PIAS1: variants seen among roughly 807,000 people sequenced by gnomAD.
PIAS1 encodes E3 SUMO-protein ligase PIAS1.
A neutral mutation model predicts 71.3 loss-of-function variants in PIAS1; 6 were observed. The observed-to-expected ratio is 0.08, with a 90% CI of 0.05 to 0.17. The LOEUF is 0.17. Among genes scored for constraint, PIAS1 ranks in the 10% least tolerant of loss-of-function variants. The pLI is 1.00. For synonymous variants in PIAS1, 303 were observed against 292.9 expected (o/e 1.03, Z -0.35); for missense variants, 555 against 793.6 (o/e 0.70, Z 3.61).
rs184078114 is a variant in PIAS1, at chr15:68,142,089, A to T, written c.554+59A>T. 4 of 1,181,678 alleles carry T rather than the reference A, an allele frequency of 3.4e-6. No individual in the cohort carries two copies. The African/African-American group carries it at 6.1e-5, about 18-fold the overall frequency. 73.2% of individuals were successfully genotyped at this position (1,181,678 alleles called of 1,614,324 possible). The stretch of plus-strand genomic sequence containing the variant: ...CCTTTGAATCCAGTAGTCTATAATA[A>T]ATGATTTTAAAAAACAGTGATTGGT... On this transcript the variant is annotated intron_variant, in intron 3 of 13. Coordinates refer to ENST00000249636, the MANE Select transcript of PIAS1 (RefSeq NM_016166.3).
intron 2 of PIAS1, among the ~76,000 whole-genome samples, chr15:68,088,794 A>G (rs1169612620): frequency 6.6e-6 from 1 of 152,122 alleles, no homozygotes; most frequent in Non-Finnish European, 1.5e-5. Context: ...CATTATTAAG[A>G]CTTTTTCTGT....
At chr15:68,116,759 C>T (rs1023148598) in intron 2 of PIAS1, among the ~76,000 whole-genome samples, 2 of 152,006 alleles carry the variant, frequency 1.3e-5, no homozygotes, top group Admixed American at 6.6e-5. Context: ...TATCCCACAA[C>T]TTGTGATATT....
At chr15:68,129,593 C>G (rs1193248316) in intron 2 of PIAS1, among the ~76,000 whole-genome samples, 1 of 151,160 alleles carries the variant, frequency 6.6e-6, no homozygotes, top group Non-Finnish European at 1.5e-5. Flanking sequence ...GATGAAGAAC[C>G]AAGAATTTAG....
intron 2 of PIAS1, among the ~76,000 whole-genome samples, chr15:68,131,661 T>A (rs1280109471): frequency 6.6e-6 from 1 of 152,216 alleles, no homozygotes; most frequent in African/African-American, 2.4e-5. Context: ...CATTCATGTT[T>A]GTCACAAATG....
intron 2 of PIAS1, among the ~76,000 whole-genome samples, chr15:68,098,188 A>C (rs1441169438): frequency 6.6e-6 from 1 of 152,154 alleles, no homozygotes; most frequent in African/African-American, 2.4e-5. Flanking sequence ...AAACTTTACT[A>C]TAACCTATTG....
chr15:68,098,682 G>T (rs570244303), intron 2 of PIAS1, among the ~76,000 whole-genome samples: 74 of 152,148 alleles, frequency 4.9e-4, no homozygotes, highest in Non-Finnish European at 9.4e-4. Flanking sequence ...TTTTACTGGG[G>T]TAGCTGCTGC....
chr15:68,064,217 T>TTTA (rs2091991975), intron 1 of PIAS1, among the ~76,000 whole-genome samples: 1 of 152,172 alleles, frequency 6.6e-6, no homozygotes, highest in African/African-American at 2.4e-5. Flanking sequence ...AGTGTGCCTG[T>TTTA]CACTACAGGG....
At chr15:68,147,352 G>A (rs2092815230) in intron 6 of PIAS1, among the ~76,000 whole-genome samples, 1 of 152,086 alleles carries the variant, frequency 6.6e-6, no homozygotes, top group African/African-American at 2.4e-5. Context: ...TTATTACTGA[G>A]ATTGAATATG....
intron 2 of PIAS1, among the ~76,000 whole-genome samples, chr15:68,121,093 A>T (rs1357069730): frequency 6.6e-6 from 1 of 152,140 alleles, no homozygotes; most frequent in Non-Finnish European, 1.5e-5. Context: ...TCCAGATTCT[A>T]ATCTGGTGTT....
In PIAS1 at chr15:68,173,426, G is replaced by C. The variant is rs898057041; in HGVS notation, c.1009-306G>C. Among the ~76,000 whole-genome samples the C allele has an allele frequency of 1.3e-4, 20 of 151,754 alleles. No individual in the cohort carries two copies. Among genetic ancestry groups the C allele is most frequent in the Admixed American group, 8.5e-4 (13 of 15,248 alleles). On this transcript the variant is annotated intron_variant, in intron 8 of 13. Coordinates refer to ENST00000249636, the MANE Select transcript of PIAS1 (RefSeq NM_016166.3). The surrounding 1 kb of genome is among the most constrained non-coding windows in gnomAD (Gnocchi z 4.3). ...CAGAAAAATGCACACACGAAATTTT[G>C]AATGTAATTCAAGGGGTTTATGACC...
At chr15:68,061,710 A>G (rs1304795931) in intron 1 of PIAS1, among the ~76,000 whole-genome samples, 2 of 152,124 alleles carry the variant, frequency 1.3e-5, no homozygotes, top group African/African-American at 2.4e-5. Flanking sequence ...ATTTCACCAA[A>G]ACACTCCTTT....
At chr15:68,089,717 C>G (rs540809663) in intron 2 of PIAS1, among the ~76,000 whole-genome samples, 1 of 150,758 alleles carries the variant, frequency 6.6e-6, no homozygotes, top group Admixed American at 6.6e-5. Context: ...CCACCATGCC[C>G]GACTAATTTT....
chr15:68,076,400 G>C (rs368676237), intron 1 of PIAS1, among the ~76,000 whole-genome samples: 2 of 152,122 alleles, frequency 1.3e-5, no homozygotes, highest in Non-Finnish European at 1.5e-5. Context: ...CCAGCTACTC[G>C]GGAGGCTGAG....
rs1595777307 is a variant in PIAS1 at position 68,159,768 on chromosome 15, G to T, written c.935-4963G>T. ...GTTTTGCAGCAATATGAATAAAGCT[G>T]CTGTAAACATTTACATTTTGCATAT... On this transcript the variant is annotated intron_variant, in intron 7 of 13. Transcript: ENST00000249636. Among the ~76,000 whole-genome samples, 6 of 152,096 alleles carry T rather than the reference G, an allele frequency of 3.9e-5. No individual in the cohort carries two copies. In the South Asian group the frequency reaches 6.2e-4, roughly 16 times the overall value.
At chr15:68,124,265 CA>C (rs1397097684) in intron 2 of PIAS1, among the ~76,000 whole-genome samples, 1 of 152,176 alleles carries the variant, frequency 6.6e-6, no homozygotes, top group African/African-American at 2.4e-5. Flanking sequence ...AGAAGTAAAA[CA>C]TTTCCTGTAA....
chr15:68,158,711 A>G (rs949634038), intron 7 of PIAS1, among the ~76,000 whole-genome samples: 6 of 152,186 alleles, frequency 3.9e-5, no homozygotes, highest in South Asian at 4.1e-4. Context: ...AAAATGAAAT[A>G]TTGATCTTAA....
chr15:68,162,772 T>TA (rs563611741), intron 7 of PIAS1, among the ~76,000 whole-genome samples: 256 of 152,276 alleles, frequency 1.7e-3, no homozygotes, highest in Non-Finnish European at 2.7e-3. Flanking sequence ...GATGGGGTCT[T>TA]ACTGTGTTGC....
rs1386418841 is a variant in PIAS1, at chr15:68,192,387, C to A, written c.*4552C>A. 1 of 152,204 alleles carries A rather than the reference C, an allele frequency of 6.6e-6. No individual in the cohort carries two copies. The highest frequency in any genetic ancestry group is 1.5e-5 in the Non-Finnish European group (1 of 68,060). 9.4% of individuals were successfully genotyped at this position (152,204 alleles called of 1,614,324 possible). A position where few individuals can be genotyped will look rare whatever the true frequency, so the allele number is the denominator to read the frequency against. ...AATTCTGCATTTCTGTTTTTGTATT[C>A]TTAAGGCAGCCAAATCTCGTAAACC... On this transcript the variant is annotated 3_prime_UTR_variant, in exon 14 of 14. Transcript: ENST00000249636.
chr15:68,181,195 A>G lies in PIAS1; in HGVS notation c.1482-17A>G, dbSNP rs573482209. On this transcript the variant is annotated splice_polypyrimidine_tract_variant and intron_variant, in intron 11 of 13. Coordinates refer to ENST00000249636, the MANE Select transcript of PIAS1 (RefSeq NM_016166.3). Reference sequence around the variant, plus strand: ...TAACTGGCTAATGAAAACTATGCCAATCTTTCCTTCTTCCAGCATTTTAAG... The same window carrying G: ...TAACTGGCTAATGAAAACTATGCCAGTCTTTCCTTCTTCCAGCATTTTAAG... 1.9e-6 allele frequency: 3 copies of G among 1,611,008 alleles called. No homozygotes were observed. Among genetic ancestry groups the G allele is most frequent in the Non-Finnish European group, 8.5e-7 (1 of 1,178,264 alleles).
Sources: allele counts gnomAD v4.1 joint callset (sites outside exome capture counted in the v4.1 genomes callset), GRCh38; gene constraint gnomAD v4.1.1; non-coding constraint Gnocchi (gnomAD v3.1); transcripts MANE v1.5; gene names NCBI Gene and HGNC (gene_info 2026-07-23, HGNC 2026-07-21).